The following PCED1A variants were observed in gnomAD, a reference collection of about 807,000 sequenced individuals.
PCED1A encodes the protein PC-esterase domain-containing protein 1A.
A neutral mutation model predicts 41.9 loss-of-function variants in PCED1A; 20 were observed. The ratio of observed to expected loss-of-function variants is 0.48; its 90% CI spans 0.34 to 0.69. The LOEUF is 0.69. Among genes scored for constraint, PCED1A ranks in the 30% least tolerant of loss-of-function variants. The probability of loss-of-function intolerance (pLI) is 0.01; values close to 1 mark genes in which losing one functional copy is unlikely to be tolerated. For synonymous variants in PCED1A, 236 were observed against 241.3 expected, an observed-to-expected ratio of 0.98 and a Z score of 0.20; for missense variants, 498 against 602.1, an observed-to-expected ratio of 0.83 and a Z score of 1.81.
At chr20:2,839,537 G>A (rs911058186) in intron 2 of PCED1A, among the ~76,000 whole-genome samples, 8 of 152,208 alleles carry the variant, frequency 5.3e-5, no homozygotes, top group African/African-American at 1.9e-4. Flanking sequence ...ACAATGCAAC[G>A]CTTTCGTGAT....
intron 2 of PCED1A, 109 bp from the exon 3 acceptor site, chr20:2,839,380 G>T: frequency 2.0e-6 from 2 of 1,004,486 alleles, no homozygotes; most frequent in Non-Finnish European, 3.0e-6. Flanking sequence ...CACCAGCTCT[G>T]TGGTTGACTT....
chr20:2,840,896 C>G, upstream of PCED1A: 1 of 1,464,104 alleles, frequency 6.8e-7, no homozygotes. Flanking sequence ...AGTCTCCCGG[C>G]GGCGTTCGCC....
intron 1 of PCED1A, 109 bp from the exon 2 acceptor site, chr20:2,840,042 G>T: frequency 8.5e-7 from 1 of 1,178,920 alleles, no homozygotes; most frequent in Non-Finnish European, 1.1e-6. Flanking sequence ...GGTGACGGCA[G>T]CAGAGCCATG....
chr20:2,838,677 T>A lies in PCED1A; in HGVS notation c.513A>T (p.Val171=). The change falls in exon 5 of 8, where the codon GTA becomes GTT. Residue 171 remains valine (V), a synonymous_variant. Transcript: ENST00000360652. This position sits in a 1 kb window ranked among gnomAD's most constrained non-coding sequence, Gnocchi z 5.8. The stretch of plus-strand genomic sequence containing the variant: ...ACACCAGCAGGCAGGAGTCTGGCAA[T>A]ACTTGGTCCATGCGCACAAACACCC... ...LERVFVRMDQ[V]LPDSCLLVWN... 6.2e-7 allele frequency: 1 copy of A among 1,614,148 alleles called. No homozygotes were observed. The highest frequency in any genetic ancestry group is 1.3e-5 in the African/African-American group (1 of 75,024).
In PCED1A at chr20:2,835,501, G is replaced by C. The variant is rs533955373; in HGVS notation, c.1326C>G (p.Asp442Glu). The C allele has an allele frequency of 1.9e-6, 3 of 1,613,958 alleles. No homozygotes were observed. In the South Asian group the frequency reaches 3.3e-5, roughly 18 times the overall value. Residue 442 changes from aspartate to glutamate, a missense_variant, in exon 8 of 8, where the codon GAC (aspartate) becomes GAG (glutamate). By Grantham distance (45) the Asp-to-Glu change is conservative. Around this residue, in one of 2 missense-constraint regions of PCED1A, gnomAD observed 245 missense variants for 232.4 expected, o/e 1.05. Transcript: ENST00000360652. ...TCCCCGAATGGGCAGGAGGCCGTCT[G>C]TCCAGTTTGTATGTGTGGATCAGTC... The part of the protein sequence containing the change: ...SERLIHTYKL[D>E]RRPPAHSGTW...
At position 2,838,416 on chromosome 20, in the gene PCED1A, C is replaced by T. The variant is rs554793472; in HGVS notation, c.657G>A (p.Thr219=). 1.1e-5 allele frequency: 17 copies of T among 1,614,242 alleles called. No homozygotes were observed. The highest frequency in any genetic ancestry group is 9.9e-5 in the South Asian group (9 of 91,092). The change falls in exon 6 of 8, where the codon ACG becomes ACA. Residue 219 remains threonine (T), a synonymous_variant. Coordinates refer to ENST00000360652, the MANE Select transcript of PCED1A (RefSeq NM_022760.6). This position sits in a 1 kb window ranked among gnomAD's most constrained non-coding sequence, Gnocchi z 5.8. ...DVVEGNFYSA[T]LAGDHCFDVL... ...CATCAAAGCAGTGGTCCCCGGCCAG[C>T]GTAGCACTGTAGAAGTTCCCTTCAA...
intron 3 of PCED1A, 29 bp downstream of exon 3, chr20:2,839,163 C>A: frequency 6.2e-7 from 1 of 1,612,992 alleles, no homozygotes; most frequent in Non-Finnish European, 8.5e-7. Context: ...GCCCACCCAC[C>A]ACTGACATGG....
In PCED1A at chr20:2,839,709, G is replaced by A. The variant is rs1036880414; in HGVS notation, c.124+80C>T. 9 of 1,562,056 alleles carry A rather than the reference G, an allele frequency of 5.8e-6. No homozygotes were observed. In the East Asian group the frequency reaches 1.4e-4, roughly 24 times the overall value. ...ACCAGAAGACAGACAAGAGATGTGA[G>A]ATGGAAACAAATGGTCCAGACACAC... On this transcript the variant is annotated intron_variant, in intron 2 of 7. Coordinates refer to ENST00000360652, the MANE Select transcript of PCED1A (RefSeq NM_022760.6).
chr20:2,837,749 C>T (rs913846275), intron 6 of PCED1A, among the ~76,000 whole-genome samples: 3 of 152,276 alleles, frequency 2.0e-5, no homozygotes, highest in South Asian at 2.1e-4. Flanking sequence ...GCCTATGGAA[C>T]ACTGTCCATT....
Position 2,838,127 on chromosome 20 carries a change from AG to A in PCED1A, c.841+104del. 1.3e-6 allele frequency: 2 copies of A among 1,547,650 alleles called. No individual in the cohort carries two copies. The highest frequency in any genetic ancestry group is 8.8e-7 in the Non-Finnish European group (1 of 1,135,668). ...ATGCAGAAGCCACAGGAGTCCTTCA[AG>A]GGACCTCTACTTCCCTTGAGTGGCT... On this transcript the variant is annotated intron_variant, in intron 6 of 7. Transcript: ENST00000360652. The surrounding 1 kb of genome is among the most constrained non-coding windows in gnomAD (Gnocchi z 5.8).
At chr20:2,835,890 TACAGA>T in intron 7 of PCED1A, 144 bp downstream of exon 7, 1 of 1,436,010 alleles carries the variant, frequency 7.0e-7, no homozygotes, top group Non-Finnish European at 9.2e-7. Context: ...TTAATGAACC[TACAGA>T]TGATGTTTCA....
upstream of PCED1A, chr20:2,840,688 C>A (rs1009216144): frequency 5.5e-6 from 8 of 1,445,386 alleles, no homozygotes; most frequent in Admixed American, 2.0e-5. Context: ...CCACGTGACC[C>A]GGACGGGCGG....
Position 2,835,713 on chromosome 20 carries a change from C to T in PCED1A, c.1118-4G>A, listed in dbSNP as rs1357820749. 6.5e-7 allele frequency: 1 copy of T among 1,539,894 alleles called. No individual in the cohort carries two copies. The highest frequency in any genetic ancestry group is 2.3e-5 in the East Asian group (1 of 43,876). Reference sequence around the variant, plus strand: ...AAGTTCACTCCAGGGCCACATCCTACAAAAGAACCAGTCATTATAAGAGCA... The same window carrying T: ...AAGTTCACTCCAGGGCCACATCCTATAAAAGAACCAGTCATTATAAGAGCA... On this transcript the variant is annotated splice_region_variant and splice_polypyrimidine_tract_variant and intron_variant, in intron 7 of 7. Coordinates refer to ENST00000360652, the MANE Select transcript of PCED1A (RefSeq NM_022760.6).
rs963910735 is a variant in PCED1A, at chr20:2,839,885, G to C, written c.28C>G (p.Pro10Ala). 4 of 1,613,332 alleles carry C rather than the reference G, an allele frequency of 2.5e-6. No individual in the cohort carries two copies. Among genetic ancestry groups the C allele is most frequent in the Non-Finnish European group, 2.5e-6 (3 of 1,179,870 alleles). Residue 10 changes from proline (P) to alanine (A), a missense_variant, in exon 2 of 8, where the codon CCG (proline) becomes GCG (alanine). Transcript: ENST00000360652. Reference protein sequence around the residue: MVFCLSSEEPRRPLRSDMVH... With the variant: MVFCLSSEEARRPLRSDMVH... ...ATGTCGCTTCGCAGCGGGCGGCGCGGCTCCTCGCTCGACAGACAGAAGACC... is the reference window on the plus strand; with the variant it reads ...ATGTCGCTTCGCAGCGGGCGGCGCGCCTCCTCGCTCGACAGACAGAAGACC...
In PCED1A at chr20:2,838,510, C is replaced by T; in HGVS notation, c.595-32G>A. ...GAGAAAGTGCAGCCTCTAAGAGCCACAGAACGCAGCAGGGTCTGAAAGCAG... is the reference window on the plus strand; with the variant it reads ...GAGAAAGTGCAGCCTCTAAGAGCCATAGAACGCAGCAGGGTCTGAAAGCAG... On this transcript the variant is annotated intron_variant, in intron 5 of 7. Transcript: ENST00000360652. This position sits in a 1 kb window ranked among gnomAD's most constrained non-coding sequence, Gnocchi z 5.8. 1 of 1,614,028 alleles carries T rather than the reference C, an allele frequency of 6.2e-7. No individual in the cohort carries two copies. The highest frequency in any genetic ancestry group is 2.2e-5 in the East Asian group (1 of 44,886).
chr20:2,840,620 T>C lies in PCED1A; in HGVS notation c.-431A>G. 1 of 805,820 alleles carries C rather than the reference T, an allele frequency of 1.2e-6. No individual in the cohort carries two copies. The allele number at this position is 805,820 out of a possible 1,614,324, so 49.9% of individuals were successfully genotyped here. ...CGAAGCCCAGGTACGGGCTGGGGTCTCGGGGCGGCAGCCAAGTGAGGCTGC... is the reference window on the plus strand; with the variant it reads ...CGAAGCCCAGGTACGGGCTGGGGTCCCGGGGCGGCAGCCAAGTGAGGCTGC... On this transcript the variant is annotated 5_prime_UTR_variant, in exon 1 of 8. Coordinates refer to ENST00000360652, the MANE Select transcript of PCED1A (RefSeq NM_022760.6).
intron 1 of PCED1A, 80 bp from the exon 2 acceptor site, chr20:2,840,013 C>T: frequency 7.2e-7 from 1 of 1,386,884 alleles, no homozygotes. Context: ...TCCGGGGCTG[C>T]TCAATGCTAA....
At position 2,839,803 on chromosome 20, in the gene PCED1A, A is replaced by AT. The variant is rs761380733; in HGVS notation, c.109dup (p.Ile37AsnfsTer38). On this transcript the variant is annotated frameshift_variant, in exon 2 of 8. Coordinates refer to ENST00000360652, the MANE Select transcript of PCED1A (RefSeq NM_022760.6). LOFTEE classifies it high-confidence loss of function. Reference sequence around the variant, plus strand: ...GAGGCACTCACTGGAGTCCCCCAAGATGACCACGAACTTGTTGTGTAGCAG... The same window carrying AT: ...GAGGCACTCACTGGAGTCCCCCAAGATTGACCACGAACTTGTTGTGTAGCAG... 1 of 1,614,180 alleles carries AT rather than the reference A, an allele frequency of 6.2e-7. No homozygotes were observed.
At chr20:2,837,596 T>C (rs1426965992) in intron 6 of PCED1A, among the ~76,000 whole-genome samples, 1 of 151,984 alleles carries the variant, frequency 6.6e-6, no homozygotes, top group Non-Finnish European at 1.5e-5. Flanking sequence ...AGTGTTACAG[T>C]TGAGATGTGA....
Sources: gnomAD v4.1 joint callset for allele counts (sites outside exome capture counted in the v4.1 genomes callset) on GRCh38, gnomAD v4.1.1 for gene constraint, gnomAD v4.1.1 regional missense constraint, Gnocchi (gnomAD v3.1) non-coding constraint, MANE v1.5 for transcripts, NCBI Gene and HGNC (gene_info 2026-07-23, HGNC 2026-07-21) for gene names.